Variants in DNAH9 observed in about 807,000 individuals in gnomAD.
DNAH9 encodes dynein axonemal heavy chain 9, also known as DNAH9 variant protein.
In DNAH9, 345 loss-of-function variants were observed where a neutral mutation model predicts 471.6. That is an observed-to-expected ratio of 0.73 (90% CI 0.67 to 0.80). DNAH9 has a LOEUF of 0.80. Ranked by LOEUF, DNAH9 falls within the 30% of genes least tolerant of loss-of-function variation. DNAH9 has a pLI of 0.00. For missense variants in DNAH9, 5,407 were observed against 5,609.2 expected (o/e 0.96, Z 1.15); for synonymous variants, 2,093 against 2,123.6 (o/e 0.99, Z 0.40).
intron 31 of DNAH9, 147 bp from the exon 32 acceptor site, chr17:11,747,409 T>A (rs1966924013): frequency 1.6e-6 from 1 of 638,920 alleles, no homozygotes; most frequent in African/African-American, 1.8e-5. Flanking sequence ...CCCCTATATT[T>A]CAGACCTCCT....
In DNAH9 at chr17:11,822,372, T is replaced by C. The variant is rs202228040; in HGVS notation, c.8851-66T>C. 3.3e-3 allele frequency: 5,208 copies of C among 1,579,834 alleles called. 16 individuals are homozygous for C. The highest frequency in any genetic ancestry group is 3.9e-3 in the Non-Finnish European group (4,529 of 1,154,576). On this transcript the variant is annotated intron_variant, in intron 46 of 68. Transcript: ENST00000262442. ...CTGGGAGCTAGAGAACCCAAGGCCA[T>C]ATCTGCCTCTCCGTGAGTATTTCTC...
chr17:11,689,434 T>C (rs1194684920), intron 19 of DNAH9, 132 bp from the exon 20 acceptor site: 1 of 759,232 alleles, frequency 1.3e-6, no homozygotes, highest in Non-Finnish European at 2.2e-6. Flanking sequence ...GAAAAGAATG[T>C]TTTTGGTGAA....
Position 11,647,181 on chromosome 17 carries a change from A to G in DNAH9, c.2080A>G (p.Ile694Val). The change falls in exon 12 of 69, where the codon ATC becomes GTC. Residue 694 changes from isoleucine (I) to valine (V), a missense_variant. This residue lies in a region of DNAH9 where 4,636 missense variants were observed against 4,900.3 expected (regional missense o/e 0.95). Coordinates refer to ENST00000262442, the MANE Select transcript of DNAH9 (RefSeq NM_001372.4). Reference sequence around the variant, plus strand: ...TGACCCAGAGACGAAGGAGATCACTATCAACTTTAACCCACAGGTCAGTTG... The same window carrying G: ...TGACCCAGAGACGAAGGAGATCACTGTCAACTTTAACCCACAGGTCAGTTG... Reference protein sequence around the residue: ...KRDPETKEITINFNPQLISVL... With the variant: ...KRDPETKEITVNFNPQLISVL... The G allele has an allele frequency of 1.2e-6, 2 of 1,614,080 alleles. No homozygotes were observed. Among genetic ancestry groups the G allele is most frequent in the Admixed American group, 1.7e-5 (1 of 60,018 alleles).
At chr17:11,838,809 G>C (rs1399101495) in intron 49 of DNAH9, among the ~76,000 whole-genome samples, 2 of 152,146 alleles carry the variant, frequency 1.3e-5, no homozygotes, top group Non-Finnish European at 2.9e-5. Context: ...CCTGTAGTAA[G>C]GACGAATATT....
rs574060515 is a variant in DNAH9, at chr17:11,719,386, G to T, written c.5605G>T (p.Ala1869Ser). The change falls in exon 27 of 69, where the codon GCA (alanine) becomes TCA (serine). Residue 1869 changes from alanine (A) to serine (S), a missense_variant. By Grantham distance (99) the Ala-to-Ser change is moderately conservative. Around this residue, in one of 3 missense-constraint regions of DNAH9, gnomAD observed 4,636 missense variants for 4,900.3 expected, o/e 0.95. Transcript: ENST00000262442. ...SLHLTMSGAP[A>S]GPAGTGKTET... Reference sequence around the variant, plus strand: ...GCACCTGACCATGAGTGGGGCTCCCGCAGGACCTGCAGGCACAGGCAAGAC... The same window carrying T: ...GCACCTGACCATGAGTGGGGCTCCCTCAGGACCTGCAGGCACAGGCAAGAC... 2 of 1,613,954 alleles carry T rather than the reference G, an allele frequency of 1.2e-6. No individual in the cohort carries two copies. Among genetic ancestry groups the T allele is most frequent in the Admixed American group, 3.3e-5 (2 of 60,010 alleles).
chr17:11,632,339 G>T (rs924397480), intron 7 of DNAH9, among the ~76,000 whole-genome samples: 1 of 152,156 alleles, frequency 6.6e-6, no homozygotes, highest in East Asian at 1.9e-4. Context: ...AGCATGGAAA[G>T]GGTGGAAGAA....
intron 36 of DNAH9, among the ~76,000 whole-genome samples, chr17:11,768,095 G>C (rs1163951085): frequency 3.3e-5 from 5 of 152,242 alleles, no homozygotes; most frequent in Non-Finnish European, 7.4e-5. Context: ...GAGAATCTCA[G>C]GCACCGAAGA....
intron 18 of DNAH9, among the ~76,000 whole-genome samples, chr17:11,680,381 G>A (rs532010235): frequency 1.7e-4 from 26 of 152,310 alleles, no homozygotes; most frequent in African/African-American, 6.3e-4. Context: ...TATGGTAGAA[G>A]CAATAGAAAC....
chr17:11,628,289 G>C (rs1015875607), intron 6 of DNAH9, among the ~76,000 whole-genome samples: 4 of 152,180 alleles, frequency 2.6e-5, no homozygotes, highest in Non-Finnish European at 1.5e-5. Flanking sequence ...GGCAGCTTCC[G>C]TGGACTCAGG....
intron 35 of DNAH9, among the ~76,000 whole-genome samples, chr17:11,762,770 G>GTTTTTGTTTTTTT (rs1967747976): frequency 7.7e-5 from 7 of 90,794 alleles, no homozygotes; most frequent in East Asian, 3.3e-4. Context: ...TTTTTTTTTT[G>GTTTTTGTTTTTTT]TTTTTTTTTT....
chr17:11,754,363 A>G (rs1363960162), intron 33 of DNAH9, among the ~76,000 whole-genome samples: 1 of 152,198 alleles, frequency 6.6e-6, no homozygotes, highest in East Asian at 1.9e-4. Flanking sequence ...TTCCTGGGTC[A>G]AACAGTATTT....
chr17:11,899,789 T>A (rs1973345022), intron 59 of DNAH9, among the ~76,000 whole-genome samples: 1 of 152,170 alleles, frequency 6.6e-6, no homozygotes, highest in Non-Finnish European at 1.5e-5. Flanking sequence ...TTACAGCAGC[T>A]GCAGCTTTCT....
intron 26 of DNAH9, among the ~76,000 whole-genome samples, chr17:11,715,931 T>G (rs922713475): frequency 6.6e-6 from 1 of 151,850 alleles, no homozygotes; most frequent in Admixed American, 6.6e-5. Context: ...CTGATTTGGG[T>G]GTTTGAAGAG....
chr17:11,736,092 C>G (rs1025268651), intron 28 of DNAH9, among the ~76,000 whole-genome samples: 4 of 152,132 alleles, frequency 2.6e-5, no homozygotes, highest in Non-Finnish European at 4.4e-5. Flanking sequence ...CTTTTAGCCT[C>G]CCCTTAATGC....
At chr17:11,844,572 A>T (rs1165091491) in intron 49 of DNAH9, among the ~76,000 whole-genome samples, 1 of 151,878 alleles carries the variant, frequency 6.6e-6, no homozygotes, top group Non-Finnish European at 1.5e-5. Context: ...TGCCCGACTA[A>T]TTTTTTGTAT....
intron 60 of DNAH9, among the ~76,000 whole-genome samples, chr17:11,904,778 G>C (rs932767258): frequency 1.3e-5 from 2 of 152,056 alleles, no homozygotes; most frequent in Non-Finnish European, 2.9e-5. Context: ...AGGGAAAATA[G>C]TGTTCCTGGG....
intron 15 of DNAH9, among the ~76,000 whole-genome samples, chr17:11,668,393 G>A (rs193099600): frequency 3.9e-5 from 6 of 152,228 alleles, no homozygotes; most frequent in East Asian, 1.9e-4. Flanking sequence ...TTGGCTGGGC[G>A]CGGTGGCTCA....
chr17:11,926,214 T>G (rs1974320890), intron 62 of DNAH9, among the ~76,000 whole-genome samples: 1 of 152,162 alleles, frequency 6.6e-6, no homozygotes, highest in South Asian at 2.1e-4. Context: ...ATCCAGTATT[T>G]CCCAAATTCC....
chr17:11,966,512 C>T (rs1441604791), intron 68 of DNAH9, among the ~76,000 whole-genome samples: 1 of 152,174 alleles, frequency 6.6e-6, no homozygotes, highest in Non-Finnish European at 1.5e-5. Flanking sequence ...TAGACAGAAA[C>T]TCAAGTCCAC....
Sources: allele counts gnomAD v4.1 joint callset (sites outside exome capture counted in the v4.1 genomes callset), GRCh38; gene constraint gnomAD v4.1.1; regional missense constraint gnomAD v4.1.1; transcripts MANE v1.5; gene names NCBI Gene and HGNC (gene_info 2026-07-23, HGNC 2026-07-21).